ALG1: variants seen among roughly 807,000 people sequenced by gnomAD.
The protein encoded by ALG1 is ALG1 chitobiosyldiphosphodolichol beta-mannosyltransferase, also known as chitobiosyldiphosphodolichol beta-mannosyltransferase.
A neutral mutation model predicts 55.1 loss-of-function variants in ALG1; 58 were observed. The observed-to-expected ratio is 1.05, with a 90% confidence interval of 0.85 to 1.31. The LOEUF (loss-of-function observed/expected upper bound fraction) is 1.31. Ranked by LOEUF, ALG1 falls within the 50% of genes most tolerant of loss-of-function variation. The probability of loss-of-function intolerance (pLI) is 0.00; values close to 1 mark genes in which losing one functional copy is unlikely to be tolerated. For missense variants in ALG1, 761 were observed against 598.6 expected (o/e 1.27, Z -2.83); for synonymous variants, 309 against 247.0 (o/e 1.25, Z -2.35).
intron 12 of ALG1, chr16:5,084,494 C>T: frequency 1.6e-6 from 1 of 620,316 alleles, no homozygotes; most frequent in South Asian, 1.9e-5. Context: ...GGGGAATGGG[C>T]AGCACGTAGA....
Position 5,083,464 on chromosome 16 carries a change from T to C in ALG1, c.1188-218T>C, listed in dbSNP as rs945327775. The stretch of plus-strand genomic sequence containing the variant: ...AGAAGGTACAAACCCCCCTTAAGGC[T>C]CCCTCCTCAAATGGGTGTGGCCATT... On this transcript the variant is annotated intron_variant, in intron 11 of 12. Coordinates refer to ENST00000262374, the MANE Select transcript of ALG1 (RefSeq NM_019109.5). 3.2e-4 allele frequency among the ~76,000 whole-genome samples: 49 copies of C among 151,922 alleles called. 1 individual carries two copies. Among genetic ancestry groups the C allele is most frequent in the Non-Finnish European group, 2.9e-5 (2 of 67,984 alleles).
intron 9 of ALG1, 128 bp downstream of exon 9, chr16:5,079,935 T>A: frequency 8.0e-7 from 1 of 1,249,302 alleles, no homozygotes; most frequent in Non-Finnish European, 1.2e-6. Flanking sequence ...CCATAGGGTC[T>A]TATACTGCTT....
intron 6 of ALG1, 164 bp downstream of exon 6, chr16:5,078,181 C>T (rs1423889956): frequency 4.0e-5 from 33 of 832,206 alleles, no homozygotes; most frequent in Non-Finnish European, 6.3e-5. Flanking sequence ...ACACAACACA[C>T]TCATTGCCTT....
At chr16:5,079,179 G>A (rs1956971937) in intron 8 of ALG1, 77 bp downstream of exon 8, 8 of 1,552,218 alleles carry the variant, frequency 5.2e-6, no homozygotes, top group Non-Finnish European at 6.1e-6. Context: ...CTGGCCTGCA[G>A]CATGTTCCTG....
chr16:5,073,248 T>C lies in ALG1; in HGVS notation c.382T>C (p.Phe128Leu). 6 of 1,614,038 alleles carry C rather than the reference T, an allele frequency of 3.7e-6. No individual in the cohort carries two copies. Among genetic ancestry groups the C allele is most frequent in the Non-Finnish European group, 5.1e-6 (6 of 1,179,962 alleles). ...GTGGAGGGAGCCAGGTGCCTATATC[T>C]TTCTCCAGGTGTGTATCAGCCTCTG... is the stretch of plus-strand genomic sequence containing the variant. ...LMWREPGAYI[F>L]LQNPPGLPSI... Residue 128 changes from phenylalanine to leucine, a missense_variant, in exon 3 of 13, where the codon TTT becomes CTT. Coordinates refer to ENST00000262374, the MANE Select transcript of ALG1 (RefSeq NM_019109.5).
In ALG1 at chr16:5,071,969, G is replaced by A; in HGVS notation, c.120G>A (p.Leu40=). ...RAARHVVAVV[L]GDVGRSPRMQ... The stretch of plus-strand genomic sequence containing the variant: ...CCCGGCATGTAGTAGCGGTGGTGCT[G>A]GGCGACGTGGGCCGCAGCCCCCGTA... Residue 40 remains leucine (L), a synonymous_variant, in exon 1 of 13, where the codon CTG becomes CTA. Transcript: ENST00000262374. 1.9e-6 allele frequency: 3 copies of A among 1,591,074 alleles called. No individual in the cohort carries two copies. The highest frequency in any genetic ancestry group is 2.6e-6 in the Non-Finnish European group (3 of 1,168,822).
chr16:5,072,920 G>T, intron 1 of ALG1, 31 bp from the exon 2 acceptor site: 5 of 1,592,660 alleles, frequency 3.1e-6, no homozygotes, highest in Non-Finnish European at 4.3e-6. Context: ...GCTGCTTCTG[G>T]TACATTAAAG....
intron 3 of ALG1, among the ~76,000 whole-genome samples, chr16:5,074,783 A>G (rs1485119024): frequency 6.6e-6 from 1 of 152,186 alleles, no homozygotes; most frequent in Admixed American, 6.5e-5. Flanking sequence ...AGCTGTTGTT[A>G]GACCTTTTTA....
rs112038320 is a variant in ALG1 at position 5,084,900 on chromosome 16, A to T, written c.*19A>T. ...CACATAACTCCTGGGCCAGAGGCTA[A>T]AACCCCAGGACCCCTGCTGTCCTTC... On this transcript the variant is annotated 3_prime_UTR_variant, in exon 13 of 13. Transcript: ENST00000262374. 1.3e-6 allele frequency: 2 copies of T among 1,575,206 alleles called. No individual in the cohort carries two copies. Among genetic ancestry groups the T allele is most frequent in the Admixed American group, 3.4e-5 (2 of 58,242 alleles).
intron 3 of ALG1, among the ~76,000 whole-genome samples, chr16:5,074,704 G>A (rs1434722508): frequency 6.6e-6 from 1 of 152,180 alleles, no homozygotes; most frequent in African/African-American, 2.4e-5. Context: ...GATAGCTTTA[G>A]AGTAAGGTTG....
Position 5,075,531 on chromosome 16 carries a change from C to T in ALG1, c.534C>T (p.Ala178=), listed in dbSNP as rs369476043. 5 of 1,614,110 alleles carry T rather than the reference C, an allele frequency of 3.1e-6. No homozygotes were observed. Among genetic ancestry groups the T allele is most frequent in the Non-Finnish European group, 4.2e-6 (5 of 1,180,028 alleles). ...HGPNHPLVLL[A]KWYEKFFGRL... Reference sequence around the variant, plus strand: ...CCAACCATCCCCTCGTTCTGCTGGCCAAGTGGTGAGAGTCTAGGAAGAGGG... The same window carrying T: ...CCAACCATCCCCTCGTTCTGCTGGCTAAGTGGTGAGAGTCTAGGAAGAGGG... The change falls in exon 4 of 13, where the codon GCC becomes GCT. Residue 178 remains alanine, a synonymous_variant. Coordinates refer to ENST00000262374, the MANE Select transcript of ALG1 (RefSeq NM_019109.5).
At chr16:5,081,244 C>T (rs928372007) in intron 10 of ALG1, among the ~76,000 whole-genome samples, 188 bp downstream of exon 10, 2 of 152,190 alleles carry the variant, frequency 1.3e-5, no homozygotes, top group African/African-American at 4.8e-5. Context: ...GGCCGTTTAC[C>T]AAGGGGTTTG....
At chr16:5,073,912 G>A (rs1029619520) in intron 3 of ALG1, among the ~76,000 whole-genome samples, 7 of 152,018 alleles carry the variant, frequency 4.6e-5, no homozygotes, top group East Asian at 1.9e-4. Flanking sequence ...ATGGGGTTAC[G>A]CCATGTTGGC....
At chr16:5,076,167 A>G (rs181707744) in intron 4 of ALG1, among the ~76,000 whole-genome samples, 6 of 152,236 alleles carry the variant, frequency 3.9e-5, no homozygotes, top group African/African-American at 1.2e-4. Flanking sequence ...GAGCCCAACT[A>G]TAACATCTCT....
At chr16:5,084,002 A>G (rs1487552540) in intron 12 of ALG1, among the ~76,000 whole-genome samples, 1 of 152,168 alleles carries the variant, frequency 6.6e-6, no homozygotes, top group African/African-American at 2.4e-5. Flanking sequence ...CACTCCACAA[A>G]TGATGCTGGA....
intron 11 of ALG1, 54 bp downstream of exon 11, chr16:5,082,727 G>C (rs1043861791): frequency 1.0e-5 from 16 of 1,601,424 alleles, no homozygotes; most frequent in Admixed American, 5.0e-5. Context: ...CCACCGCTGA[G>C]GGGGAAGCAG....
At chr16:5,083,928 C>T (rs535619496) in intron 12 of ALG1, among the ~76,000 whole-genome samples, 171 bp downstream of exon 12, 7 of 152,080 alleles carry the variant, frequency 4.6e-5, no homozygotes, top group South Asian at 2.1e-4. Flanking sequence ...TGTCCCGTTT[C>T]GGTACAGTAG....
chr16:5,082,450 G>A (rs867702284), intron 10 of ALG1, 109 bp from the exon 11 acceptor site: 52 of 1,167,146 alleles, frequency 4.5e-5, no homozygotes, highest in Middle Eastern at 2.7e-4. Context: ...GCTGTTGGGG[G>A]CCTTATCTGA....
chr16:5,084,622 C>T, intron 12 of ALG1, 128 bp from the exon 13 acceptor site: 1 of 1,452,750 alleles, frequency 6.9e-7, no homozygotes, highest in Non-Finnish European at 9.4e-7. Context: ...GGTCTCGAGT[C>T]CAAGTGAGGG....
Sources: allele counts gnomAD v4.1 joint callset (sites outside exome capture counted in the v4.1 genomes callset), GRCh38; gene constraint gnomAD v4.1.1; transcripts MANE v1.5; gene names NCBI Gene and HGNC (gene_info 2026-07-23, HGNC 2026-07-21).